Variants in NALF1 observed in about 807,000 individuals in gnomAD.
NALF1 encodes the protein NALCN channel auxiliary factor 1, also known as family with sequence similarity 155 member A.
In NALF1, 3 loss-of-function variants were observed where a neutral mutation model predicts 48.4. The ratio of observed to expected loss-of-function variants is 0.06; its 90% CI spans 0.03 to 0.16. NALF1 has a LOEUF of 0.16. NALF1 is among the 10% of genes least tolerant of loss of function. The pLI, the probability that NALF1 is intolerant of heterozygous loss-of-function variation, is 1.00. For missense variants in NALF1, 526 were observed against 571.5 expected (o/e 0.92, Z 0.81); for synonymous variants, 262 against 245.7 (o/e 1.07, Z -0.62).
At chr13:107,818,004 G>T (rs983809050) in intron 1 of NALF1, among the ~76,000 whole-genome samples, 2 of 152,184 alleles carry the variant, frequency 1.3e-5, no homozygotes, top group African/African-American at 4.8e-5. Context: ...GGGGATATTT[G>T]TTGGTAGAAA....
chr13:107,796,193 T>C (rs1050144979), intron 1 of NALF1, among the ~76,000 whole-genome samples: 2 of 152,182 alleles, frequency 1.3e-5, no homozygotes, highest in African/African-American at 2.4e-5. Context: ...GCCATAATTA[T>C]AGGATTTCAT....
chr13:107,605,399 T>A (rs189173782), intron 1 of NALF1, among the ~76,000 whole-genome samples: 2 of 152,326 alleles, frequency 1.3e-5, no homozygotes, highest in East Asian at 3.9e-4. Flanking sequence ...ACATTCTCCT[T>A]CCTTCCGGTT....
intron 2 of NALF1, among the ~76,000 whole-genome samples, chr13:107,171,902 C>T (rs1878813588): frequency 6.6e-6 from 1 of 152,168 alleles, no homozygotes; most frequent in Non-Finnish European, 1.5e-5. Flanking sequence ...TTTCATGTCA[C>T]ATGCTTGGTT....
intron 1 of NALF1, among the ~76,000 whole-genome samples, chr13:107,799,523 A>T (rs1277046446): frequency 6.6e-6 from 1 of 152,116 alleles, no homozygotes; most frequent in African/African-American, 2.4e-5. Context: ...ATCCCCCCAA[A>T]CACCACCATC....
intron 1 of NALF1, among the ~76,000 whole-genome samples, chr13:107,395,060 C>T (rs945131604): frequency 6.6e-6 from 1 of 152,124 alleles, no homozygotes; most frequent in Non-Finnish European, 1.5e-5. Flanking sequence ...GCATAGTCCC[C>T]TTGCTAAAGA....
intron 1 of NALF1, among the ~76,000 whole-genome samples, chr13:107,775,282 A>T (rs1308683135): frequency 7.3e-6 from 1 of 136,776 alleles, no homozygotes; most frequent in African/African-American, 2.8e-5. Flanking sequence ...TTCAATTCCC[A>T]CCTATGAGTG....
chr13:107,682,109 G>A (rs1881319432), intron 1 of NALF1, among the ~76,000 whole-genome samples: 1 of 152,148 alleles, frequency 6.6e-6, no homozygotes, highest in African/African-American at 2.4e-5. Flanking sequence ...GAAATATGCT[G>A]GTCCTAACCA....
intron 1 of NALF1, among the ~76,000 whole-genome samples, chr13:107,857,947 T>C (rs1194168963): frequency 6.6e-6 from 1 of 152,204 alleles, no homozygotes; most frequent in Non-Finnish European, 1.5e-5. Context: ...TAAAAGACTC[T>C]GCCATATTGA....
At chr13:107,629,541 T>C (rs1263066131) in intron 1 of NALF1, among the ~76,000 whole-genome samples, 1 of 152,190 alleles carries the variant, frequency 6.6e-6, no homozygotes, top group Non-Finnish European at 1.5e-5. Context: ...TGAACATCAC[T>C]TGTTGGGCAG....
At chr13:107,246,649 A>G (rs890892139) in intron 1 of NALF1, among the ~76,000 whole-genome samples, 10 of 152,216 alleles carry the variant, frequency 6.6e-5, no homozygotes, top group Admixed American at 1.3e-4. Context: ...ACATTTTTCT[A>G]TTCAGAATGA....
At chr13:107,171,278 T>G (rs1247222466) in intron 2 of NALF1, among the ~76,000 whole-genome samples, 1 of 152,228 alleles carries the variant, frequency 6.6e-6, no homozygotes, top group Non-Finnish European at 1.5e-5. Context: ...TCTCCCCCTC[T>G]CTGGGAGAAT....
At chr13:107,570,551 AT>A (rs922148825) in intron 1 of NALF1, among the ~76,000 whole-genome samples, 13 of 142,586 alleles carry the variant, frequency 9.1e-5, no homozygotes, top group South Asian at 4.5e-4. Context: ...CTCCATATTT[AT>A]TTTTTTCTTT....
At chr13:107,340,299 C>G (rs760687567) in intron 1 of NALF1, among the ~76,000 whole-genome samples, 1 of 151,888 alleles carries the variant, frequency 6.6e-6, no homozygotes, top group African/African-American at 2.4e-5. Context: ...CACCAACACG[C>G]CCGGCTAATT....
intron 1 of NALF1, among the ~76,000 whole-genome samples, chr13:107,473,596 G>C (rs927275590): frequency 3.3e-5 from 5 of 152,154 alleles, no homozygotes; most frequent in African/African-American, 1.2e-4. Flanking sequence ...AGAAGGTAGA[G>C]GGAAGGACCA....
chr13:107,256,271 G>A (rs1193813981), intron 1 of NALF1, among the ~76,000 whole-genome samples: 1 of 152,214 alleles, frequency 6.6e-6, no homozygotes, highest in African/African-American at 2.4e-5. Flanking sequence ...TACAGTGGAA[G>A]TACTACATAA....
chr13:107,322,389 G>T (rs1214675074), intron 1 of NALF1, among the ~76,000 whole-genome samples: 2 of 152,106 alleles, frequency 1.3e-5, no homozygotes, highest in Non-Finnish European at 2.9e-5. Flanking sequence ...GACAGCATAT[G>T]CTAATTTTAG....
chr13:107,720,987 T>C (rs1377853399), intron 1 of NALF1, among the ~76,000 whole-genome samples: 1 of 152,150 alleles, frequency 6.6e-6, no homozygotes, highest in Admixed American at 6.5e-5. Context: ...TGTATCCATA[T>C]GGATGTCAAG....
At chr13:107,320,367 C>A (rs1882230839) in intron 1 of NALF1, among the ~76,000 whole-genome samples, 1 of 152,076 alleles carries the variant, frequency 6.6e-6, no homozygotes, top group South Asian at 2.1e-4. Context: ...AAAAACTTAA[C>A]CAACAAAATC....
intron 1 of NALF1, among the ~76,000 whole-genome samples, chr13:107,536,694 A>G (rs557485115): frequency 1.3e-5 from 2 of 152,304 alleles, no homozygotes; most frequent in East Asian, 3.9e-4. Flanking sequence ...ATCTAGAACT[A>G]GAAATACCAT....
Sources: gnomAD v4.1 joint callset for allele counts (sites outside exome capture counted in the v4.1 genomes callset) on GRCh38, gnomAD v4.1.1 for gene constraint, MANE v1.5 for transcripts, NCBI Gene and HGNC (gene_info 2026-07-23, HGNC 2026-07-21) for gene names.